The following LYPLAL1 variants were observed in gnomAD, a reference collection of about 807,000 sequenced individuals.
LYPLAL1 encodes lysophospholipase-like protein 1.
Under a neutral mutation model 19.7 loss-of-function variants are expected in LYPLAL1, and 23 were observed. The ratio of observed to expected loss-of-function variants is 1.17; its 90% CI spans 0.84 to 1.65. The LOEUF is 1.65. LYPLAL1 is among the 40% of genes most tolerant of loss of function. The probability of loss-of-function intolerance (pLI) is 0.00; values close to 1 mark genes in which losing one functional copy is unlikely to be tolerated. For synonymous variants in LYPLAL1, 119 were observed against 96.3 expected (o/e 1.24, Z -1.38); for missense variants, 355 against 279.4 (o/e 1.27, Z -1.93).
At chr1:219,209,530 G>A (rs1461312489) in intron 3 of LYPLAL1, among the ~76,000 whole-genome samples, 1 of 152,016 alleles carries the variant, frequency 6.6e-6, no homozygotes, top group Non-Finnish European at 1.5e-5. Flanking sequence ...GGTCTCTTAA[G>A]AGCTCAGCTT....
chr1:219,360,604 A>G, the LYPLAL1 span, among the ~76,000 whole-genome samples: 1 of 152,156 alleles, frequency 6.6e-6, no homozygotes, highest in African/African-American at 2.4e-5. Flanking sequence ...CAGAATGAAA[A>G]GGATTTGTGT....
chr1:219,318,087 A>C, the LYPLAL1 span, among the ~76,000 whole-genome samples: 1 of 152,190 alleles, frequency 6.6e-6, no homozygotes, highest in Admixed American at 6.5e-5. Flanking sequence ...AGAAACATGA[A>C]AAACTGCAAG....
chr1:219,265,762 C>T, the LYPLAL1 span, among the ~76,000 whole-genome samples: 1 of 152,100 alleles, frequency 6.6e-6, no homozygotes, highest in Non-Finnish European at 1.5e-5. Context: ...AAGGTATAGC[C>T]TATTGCTCCT....
the LYPLAL1 span, among the ~76,000 whole-genome samples, chr1:219,283,162 A>G: frequency 7.2e-5 from 11 of 152,356 alleles, no homozygotes; most frequent in African/African-American, 2.4e-4. Context: ...ATCTGGGCTT[A>G]TAATCTAGCT....
the LYPLAL1 span, among the ~76,000 whole-genome samples, chr1:219,279,209 T>C: frequency 6.6e-6 from 1 of 152,176 alleles, no homozygotes; most frequent in Non-Finnish European, 1.5e-5. Context: ...ATTCTGACTA[T>C]GTGGGAAGAG....
the LYPLAL1 span, chr1:219,409,626 C>G: frequency 6.6e-6 from 1 of 152,284 alleles, no homozygotes; most frequent in East Asian, 1.9e-4. Flanking sequence ...TTACTTCTTG[C>G]TTGTGTGATT....
At chr1:219,359,210 A>G in the LYPLAL1 span, among the ~76,000 whole-genome samples, 1 of 152,150 alleles carries the variant, frequency 6.6e-6, no homozygotes, top group African/African-American at 2.4e-5. Context: ...GCTAATTACT[A>G]ATGTTGCTGC....
At chr1:219,263,959 T>C in the LYPLAL1 span, among the ~76,000 whole-genome samples, 2,038 of 152,306 alleles carry the variant, frequency 0.013, 40 homozygotes, top group African/African-American at 0.046. Flanking sequence ...CATGTTCCTG[T>C]GGCAGGTCTC....
In LYPLAL1 at chr1:219,211,607, G is replaced by A; in HGVS notation, c.593G>A (p.Gly198Glu). 6.2e-7 allele frequency: 1 copy of A among 1,613,394 alleles called. No homozygotes were observed. Among genetic ancestry groups the A allele is most frequent in the Non-Finnish European group, 8.5e-7 (1 of 1,179,542 alleles). Reference sequence around the variant, plus strand: ...ACAAACTCAATGTTAAAATCTCTAGGAGTGACCACGAAGTTTCATAGTTTT... The same window carrying A: ...ACAAACTCAATGTTAAAATCTCTAGAAGTGACCACGAAGTTTCATAGTTTT... ...EETNSMLKSLGVTTKFHSFPN... is the reference protein window; with the variant it reads ...EETNSMLKSLEVTTKFHSFPN... The change falls in exon 5 of 5, where the codon GGA (glycine) becomes GAA (glutamate). Residue 198 changes from glycine to glutamate, a missense_variant. Gly to Glu is a moderately conservative substitution (Grantham distance 98). Coordinates refer to ENST00000366928, the MANE Select transcript of LYPLAL1 (RefSeq NM_138794.5).
intron 2 of LYPLAL1, among the ~76,000 whole-genome samples, chr1:219,188,540 GGA>G (rs1315679687): frequency 1.3e-5 from 2 of 151,758 alleles, no homozygotes; most frequent in African/African-American, 4.8e-5. Flanking sequence ...GTGAAGGGTG[GGA>G]GAGAGAAGTG....
At chr1:219,326,654 G>T in the LYPLAL1 span, among the ~76,000 whole-genome samples, 2 of 152,120 alleles carry the variant, frequency 1.3e-5, no homozygotes, top group South Asian at 4.1e-4. Flanking sequence ...CTGTAGTGTG[G>T]ACCCTAGTAA....
At chr1:219,351,719 C>G in the LYPLAL1 span, among the ~76,000 whole-genome samples, 3 of 152,130 alleles carry the variant, frequency 2.0e-5, no homozygotes, top group Non-Finnish European at 4.4e-5. Context: ...TGTTTTAAAG[C>G]AAAACAGAAG....
Position 219,210,471 on chromosome 1 carries a change from T to C in LYPLAL1, c.362-61T>C, listed in dbSNP as rs754562187. The C allele has an allele frequency of 6.3e-6, 7 of 1,110,330 alleles. No homozygotes were observed. In the African/African-American group the frequency reaches 7.9e-5, roughly 13 times the overall value. The allele number at this position is 1,110,330 out of a possible 1,614,324, so 68.8% of individuals were successfully genotyped here. A position where few individuals can be genotyped will look rare whatever the true frequency, so the allele number is the denominator to read the frequency against. On this transcript the variant is annotated intron_variant, in intron 3 of 4. Coordinates refer to ENST00000366928, the MANE Select transcript of LYPLAL1 (RefSeq NM_138794.5). ...ATTTTAAAAATATGGAAAATTGTTATATATCATATCCTAAATTATTATTTT... is the reference window on the plus strand; with the variant it reads ...ATTTTAAAAATATGGAAAATTGTTACATATCATATCCTAAATTATTATTTT...
intron 1 of LYPLAL1, among the ~76,000 whole-genome samples, chr1:219,176,285 G>C (rs1655804294): frequency 6.6e-6 from 1 of 152,120 alleles, no homozygotes; most frequent in Non-Finnish European, 1.5e-5. Flanking sequence ...TAGGACACTG[G>C]TTCTTCTTTC....
At chr1:219,378,719 G>A in the LYPLAL1 span, among the ~76,000 whole-genome samples, 1 of 152,088 alleles carries the variant, frequency 6.6e-6, no homozygotes, top group Non-Finnish European at 1.5e-5. Context: ...GAGACATGGA[G>A]TGCTTTAGCA....
the LYPLAL1 span, among the ~76,000 whole-genome samples, chr1:219,330,250 T>C: frequency 6.6e-6 from 1 of 152,218 alleles, no homozygotes; most frequent in Non-Finnish European, 1.5e-5. Context: ...TCATGTTTCA[T>C]TGACATTACT....
At chr1:219,338,748 T>C in the LYPLAL1 span, among the ~76,000 whole-genome samples, 2 of 151,968 alleles carry the variant, frequency 1.3e-5, no homozygotes, top group Non-Finnish European at 2.9e-5. Context: ...CTTGACTTAA[T>C]ATAGAAAGTT....
Position 219,212,663 on chromosome 1 carries a change from A to G in LYPLAL1, c.*935A>G, listed in dbSNP as rs1340035947. On this transcript the variant is annotated 3_prime_UTR_variant, in exon 5 of 5. Coordinates refer to ENST00000366928, the MANE Select transcript of LYPLAL1 (RefSeq NM_138794.5). ...TCCCTATTTGTATAAATAGAATCAT[A>G]CAATACCTGCCTGCTTTCATTCAAC... The G allele has an allele frequency of 1.3e-5, 2 of 152,084 alleles. No homozygotes were observed. The highest frequency in any genetic ancestry group is 6.6e-5 in the Admixed American group (1 of 15,242). 9.4% of individuals were successfully genotyped at this position (152,084 alleles called of 1,614,324 possible).
the LYPLAL1 span, among the ~76,000 whole-genome samples, chr1:219,431,105 G>A: frequency 1.8e-4 from 27 of 152,110 alleles, no homozygotes; most frequent in South Asian, 6.2e-4. Flanking sequence ...AATACTTTTC[G>A]CAAAACTATA....
Sources: allele counts gnomAD v4.1 joint callset (sites outside exome capture counted in the v4.1 genomes callset), GRCh38; gene constraint gnomAD v4.1.1; transcripts MANE v1.5; gene names NCBI Gene and HGNC (gene_info 2026-07-23, HGNC 2026-07-21).